TGM7: variants seen among roughly 807,000 people sequenced by gnomAD.
The protein encoded by TGM7 is protein-glutamine gamma-glutamyltransferase Z.
TGM7 carries 74 observed loss-of-function variants against 79.5 expected under a neutral mutation model. That is an observed-to-expected ratio of 0.93 (90% CI 0.77 to 1.13). The LOEUF (loss-of-function observed/expected upper bound fraction) is 1.13. Ranked by LOEUF, TGM7 falls within the 50% of genes most tolerant of loss-of-function variation. The pLI, the probability that TGM7 is intolerant of heterozygous loss-of-function variation, is 0.00. For missense variants in TGM7, 912 were observed against 905.9 expected (o/e 1.01, Z -0.09); for synonymous variants, 354 against 362.5 (o/e 0.98, Z 0.27).
At position 43,282,511 on chromosome 15, in the gene TGM7, A is replaced by G; in HGVS notation, c.1108+6T>C. 6.3e-7 allele frequency: 1 copy of G among 1,577,796 alleles called. No homozygotes were observed. The highest frequency in any genetic ancestry group is 8.6e-7 in the Non-Finnish European group (1 of 1,160,204). On this transcript the variant is annotated splice_donor_region_variant and intron_variant, in intron 8 of 12. Coordinates refer to ENST00000452443, the MANE Select transcript of TGM7 (RefSeq NM_052955.3). ...GCCAGAGCCTGTTGCAATGGTCCTCACTCACCACTGCTGGTCTGCTGGGGA... is the reference window on the plus strand; with the variant it reads ...GCCAGAGCCTGTTGCAATGGTCCTCGCTCACCACTGCTGGTCTGCTGGGGA...
chr15:43,301,491 A>T (rs1458971475), intron 1 of TGM7, among the ~76,000 whole-genome samples: 1 of 151,640 alleles, frequency 6.6e-6, no homozygotes, highest in East Asian at 2.0e-4. Flanking sequence ...TTAGCCGTGT[A>T]TGGTGGCAGG....
At chr15:43,280,059 G>T in intron 9 of TGM7, 108 bp from the exon 10 acceptor site, 1 of 967,002 alleles carries the variant, frequency 1.0e-6, no homozygotes, top group Non-Finnish European at 1.6e-6. Context: ...AGGCGGCGCG[G>T]CTCAGGTGCT....
chr15:43,282,686 T>A, intron 7 of TGM7, 66 bp from the exon 8 acceptor site: 1 of 1,197,378 alleles, frequency 8.4e-7, no homozygotes, highest in Non-Finnish European at 1.2e-6. Flanking sequence ...CCAGGCACTA[T>A]ACGGAGTGAT....
chr15:43,289,839 T>C (rs2042955412), intron 4 of TGM7, among the ~76,000 whole-genome samples: 1 of 152,226 alleles, frequency 6.6e-6, no homozygotes, highest in African/African-American at 2.4e-5. Context: ...TTTTCATGTG[T>C]CTTTTGGCTG....
In TGM7 at chr15:43,276,877, C is replaced by G. The variant is rs568055990; in HGVS notation, c.1958G>C (p.Gly653Ala). The change falls in exon 12 of 13, where the codon GGG (glycine) becomes GCG (alanine). Residue 653 changes from glycine (G) to alanine (A), a missense_variant. Transcript: ENST00000452443. ...CGTCACTTACTCCTTTGCTATCTGC[C>G]CATTGATGAGGCCGCTTCCTTCCAG... ...MVLEGSGLIN[G>A]QIAKDLGTLV... 1.9e-6 allele frequency: 3 copies of G among 1,614,102 alleles called. No homozygotes were observed. Among genetic ancestry groups the G allele is most frequent in the Non-Finnish European group, 1.7e-6 (2 of 1,179,974 alleles).
chr15:43,296,117 A>G (rs1242587995), intron 1 of TGM7, among the ~76,000 whole-genome samples: 1 of 152,232 alleles, frequency 6.6e-6, no homozygotes, highest in African/African-American at 2.4e-5. Context: ...GATATAAATC[A>G]TAGATCATAG....
At chr15:43,296,389 C>T (rs2042992575) in intron 1 of TGM7, among the ~76,000 whole-genome samples, 1 of 143,026 alleles carries the variant, frequency 7.0e-6, no homozygotes, top group East Asian at 2.0e-4. Context: ...CACACCACTG[C>T]ACTCCAGCCT....
intron 5 of TGM7, 21 bp from the exon 6 acceptor site, chr15:43,287,478 G>C: frequency 6.2e-7 from 1 of 1,613,306 alleles, no homozygotes; most frequent in East Asian, 2.2e-5. Flanking sequence ...CAGACAGGTG[G>C]GTTTCCACAG....
intron 1 of TGM7, among the ~76,000 whole-genome samples, chr15:43,298,149 AG>A (rs2043009446): frequency 6.6e-6 from 1 of 152,238 alleles, no homozygotes; most frequent in Non-Finnish European, 1.5e-5. Context: ...AAACCCAGGG[AG>A]GCTGGCTCCA....
intron 4 of TGM7, among the ~76,000 whole-genome samples, chr15:43,288,772 A>G (rs559476655): frequency 1.3e-5 from 2 of 152,300 alleles, no homozygotes; most frequent in Admixed American, 1.3e-4. Flanking sequence ...TCTACTAAAA[A>G]TACAAAAATT....
intron 11 of TGM7, 150 bp downstream of exon 11, chr15:43,278,967 G>A (rs1365624872): frequency 2.9e-5 from 21 of 733,366 alleles, no homozygotes; most frequent in Admixed American, 7.3e-5. Context: ...CCAACCCCAC[G>A]CTGGTACAGA....
In TGM7 at chr15:43,276,517, T is replaced by C. The variant is rs148274809; in HGVS notation, c.2071A>G (p.Asn691Asp). ...TAGCCTTTGATCTCCTTGACCTCGT[T>C]GCTGCTGATGAGAACCTGGAGCTGG... Reference protein sequence around the residue: ...PRQLQVLISSNEVKEIKGYKD... With the variant: ...PRQLQVLISSDEVKEIKGYKD... The change falls in exon 13 of 13, where the codon AAC (asparagine) becomes GAC (aspartate). Residue 691 changes from asparagine to aspartate, a missense_variant. Asn to Asp is a conservative substitution (Grantham distance 23). Coordinates refer to ENST00000452443, the MANE Select transcript of TGM7 (RefSeq NM_052955.3). 1,895 of 1,614,110 alleles carry C rather than the reference T, an allele frequency of 1.2e-3. 21 individuals are homozygous for C. The highest frequency in any genetic ancestry group is 7.4e-3 in the South Asian group (671 of 91,078).
intron 6 of TGM7, 130 bp downstream of exon 6, chr15:43,287,150 G>T: frequency 9.7e-7 from 1 of 1,034,582 alleles, no homozygotes; most frequent in African/African-American, 1.6e-5. Flanking sequence ...TGGTGTGCTA[G>T]CTCAGGGCCT....
At chr15:43,298,904 T>C (rs1050870110) in intron 1 of TGM7, among the ~76,000 whole-genome samples, 1 of 152,044 alleles carries the variant, frequency 6.6e-6, no homozygotes, top group Non-Finnish European at 1.5e-5. Flanking sequence ...AACCCAAATA[T>C]CTTACAATAG....
chr15:43,277,047 C>T (rs1418645106), intron 11 of TGM7, 52 bp from the exon 12 acceptor site: 1 of 1,594,306 alleles, frequency 6.3e-7, no homozygotes, highest in East Asian at 2.2e-5. Flanking sequence ...CGCTTCTGCA[C>T]TCTGGTTCAG....
intron 1 of TGM7, among the ~76,000 whole-genome samples, chr15:43,297,882 G>A (rs767907638): frequency 2.0e-5 from 3 of 152,130 alleles, no homozygotes; most frequent in Non-Finnish European, 4.4e-5. Context: ...TTTCTTCAGG[G>A]CACTTAATAT....
At chr15:43,293,655 C>A in intron 1 of TGM7, 24 bp from the exon 2 acceptor site, 1 of 1,571,476 alleles carries the variant, frequency 6.4e-7, no homozygotes, top group South Asian at 1.1e-5. Flanking sequence ...GGGGACAGGT[C>A]ACGCCCACCT....
intron 11 of TGM7, among the ~76,000 whole-genome samples, chr15:43,278,013 C>T (rs1377421876): frequency 6.6e-6 from 1 of 152,272 alleles, no homozygotes; most frequent in Non-Finnish European, 1.5e-5. Flanking sequence ...CAGCCCCAGG[C>T]TTATGTCTGC....
Position 43,292,862 on chromosome 15 carries a change from T to C in TGM7, c.286A>G (p.Ile96Val), listed in dbSNP as rs1226060697. ...GNVWSASDFT[I>V]DSNSLQVSLF... is the part of the protein sequence containing the mutation. ...GAAACTTGGAGAGAGTTGGAGTCAA[T>C]GGTGAAATCAGAAGCGCTCCAGACA... Residue 96 changes from isoleucine (I) to valine (V), a missense_variant, in exon 3 of 13, where the codon ATT becomes GTT. By Grantham distance (29) the Ile-to-Val change is conservative (BLOSUM62 3). Coordinates refer to ENST00000452443, the MANE Select transcript of TGM7 (RefSeq NM_052955.3). 1.9e-6 allele frequency: 3 copies of C among 1,614,008 alleles called. No individual in the cohort carries two copies. Among genetic ancestry groups the C allele is most frequent in the East Asian group, 2.2e-5 (1 of 44,884 alleles).
Sources: allele counts gnomAD v4.1 joint callset (sites outside exome capture counted in the v4.1 genomes callset), GRCh38; gene constraint gnomAD v4.1.1; transcripts MANE v1.5; gene names NCBI Gene and HGNC (gene_info 2026-07-23, HGNC 2026-07-21).